Variants in GBA1 observed in about 807,000 individuals in gnomAD.
GBA1 encodes lysosomal acid glucosylceramidase.
At chr1:155,235,823 C>T in the GBA1 span, 36 of 1,614,076 alleles carry the variant, frequency 2.2e-5, no homozygotes, top group Non-Finnish European at 2.7e-5. Context: ...TCGGTCCAGC[C>T]GACCACATGG....
the GBA1 span, chr1:155,239,720 A>G: frequency 1.2e-6 from 2 of 1,613,820 alleles, no homozygotes; most frequent in Admixed American, 1.7e-5. Flanking sequence ...AAATCCCTTC[A>G]CTTTCTGGAA....
the GBA1 span, chr1:155,241,100 T>C: frequency 2.5e-6 from 4 of 1,613,958 alleles, no homozygotes; most frequent in Non-Finnish European, 3.4e-6. Context: ...CTGGAAGGAC[T>C]TGAAAACTCC....
the GBA1 span, chr1:155,236,138 C>A: frequency 2.0e-6 from 2 of 1,012,958 alleles, no homozygotes; most frequent in Non-Finnish European, 3.1e-6. Context: ...CTCAAAAGGG[C>A]AGGCTAGCTG....
At chr1:155,236,114 G>T in the GBA1 span, 1 of 853,056 alleles carries the variant, frequency 1.2e-6, no homozygotes, top group Non-Finnish European at 1.9e-6. Flanking sequence ...GGGAATCATG[G>T]TTCCCCAGAG....
the GBA1 span, chr1:155,237,618 T>C: frequency 6.2e-7 from 1 of 1,610,436 alleles, no homozygotes; most frequent in Non-Finnish European, 8.5e-7. Flanking sequence ...GCCAAGAAAG[T>C]GGACCAGACC....
At chr1:155,238,065 G>A in the GBA1 span, 3 of 1,520,364 alleles carry the variant, frequency 2.0e-6, no homozygotes, top group Non-Finnish European at 2.7e-6. Flanking sequence ...TAGGTTGAGG[G>A]TTGGGACACA....
chr1:155,239,553 AAAAAG>A, the GBA1 span: 33 of 1,595,296 alleles, frequency 2.1e-5, no homozygotes, highest in Admixed American at 3.4e-5. Context: ...AAAATTTTAA[AAAAAG>A]AAAAGAAAAA....
At chr1:155,238,989 T>C in the GBA1 span, 6 of 362,658 alleles carry the variant, frequency 1.7e-5, no homozygotes, top group Middle Eastern at 9.9e-4. Flanking sequence ...GAGGCCGATG[T>C]GGGCAGATCA....
chr1:155,241,335 G>A, the GBA1 span: 4 of 621,376 alleles, frequency 6.4e-6, no homozygotes, highest in African/African-American at 3.7e-5. Flanking sequence ...ATTTCTAAAG[G>A]GCAATTGGCT....
chr1:155,237,083 G>T, the GBA1 span, among the ~76,000 whole-genome samples: 1 of 151,820 alleles, frequency 6.6e-6, no homozygotes, highest in Non-Finnish European at 1.5e-5. Context: ...GTTGGCCAGG[G>T]TGGTCTTAAA....
At chr1:155,237,261 A>G in the GBA1 span, 1 of 1,608,090 alleles carries the variant, frequency 6.2e-7, no homozygotes, top group South Asian at 1.1e-5. Context: ...TGGGTAGAGA[A>G]ATCGCTCTAA....
the GBA1 span, chr1:155,237,218 G>A: frequency 6.5e-7 from 1 of 1,538,660 alleles, no homozygotes; most frequent in Non-Finnish European, 8.8e-7. Flanking sequence ...CACCCTGGAG[G>A]TCCAGGGGAA....
the GBA1 span, among the ~76,000 whole-genome samples, chr1:155,242,855 G>T: frequency 5.9e-5 from 9 of 152,256 alleles, 1 homozygote; most frequent in African/African-American, 2.2e-4. Flanking sequence ...AGCCTCCCAA[G>T]GTGTTGGGAT....
chr1:155,239,506 C>T, the GBA1 span: 1,919 of 1,219,110 alleles, frequency 1.6e-3, 1 homozygote, highest in Admixed American at 3.2e-3. Flanking sequence ...ACTCCTGTCT[C>T]GCCGACAGAA....
At chr1:155,236,550 T>C in the GBA1 span, 1 of 1,144,450 alleles carries the variant, frequency 8.7e-7, no homozygotes, top group Non-Finnish European at 1.3e-6. Context: ...AATCCTGGAG[T>C]TGGGTGACGG....
the GBA1 span, chr1:155,236,252 A>T: frequency 6.2e-7 from 1 of 1,613,896 alleles, no homozygotes; most frequent in Non-Finnish European, 8.5e-7. Flanking sequence ...TACCGTGATG[A>T]TGCTGTGGCT....
chr1:155,235,229 G>C, the GBA1 span: 3 of 1,613,644 alleles, frequency 1.9e-6, no homozygotes, highest in Non-Finnish European at 2.5e-6. Context: ...GAGCCATCGG[G>C]ATGCATCAGT....
the GBA1 span, chr1:155,235,926 G>C: frequency 6.4e-7 from 1 of 1,553,926 alleles, no homozygotes; most frequent in South Asian, 1.1e-5. Flanking sequence ...ACATGTGGGA[G>C]AGGCAGCTGT....
chr1:155,235,791 G>C, the GBA1 span: 5 of 1,614,090 alleles, frequency 3.1e-6, no homozygotes, highest in East Asian at 2.2e-5. Context: ...GTCCTCCTTC[G>C]GGGTTCAGGG....
Sources: allele counts gnomAD v4.1 joint callset (sites outside exome capture counted in the v4.1 genomes callset), GRCh38; gene constraint gnomAD v4.1.1; transcripts MANE v1.5; gene names NCBI Gene and HGNC (gene_info 2026-07-23, HGNC 2026-07-21).